Variants in KLHDC4 observed in about 807,000 individuals in gnomAD.
KLHDC4 encodes the protein kelch domain containing 4, also known as kelch domain-containing protein 4.
KLHDC4 carries 90 observed loss-of-function variants against 62.4 expected under a neutral mutation model. The observed-to-expected ratio is 1.44, with a 90% confidence interval of 1.22 to 1.72. The LOEUF is 1.72. Ranked by LOEUF, KLHDC4 falls within the 40% of genes most tolerant of loss-of-function variation. KLHDC4 has a pLI of 0.00. For missense variants in KLHDC4, 1,025 were observed against 699.7 expected, an observed-to-expected ratio of 1.47 and a Z score of -5.25; for synonymous variants, 386 against 284.4, an observed-to-expected ratio of 1.36 and a Z score of -3.59.
chr16:87,701,740 G>C (rs1026016212), exon 1 of KLHDC4: 1 of 456,620 alleles, frequency 2.2e-6, no homozygotes, highest in African/African-American at 2.0e-5. Context: ...TCAGGCCTAT[G>C]CCGCCCGCCC....
chr16:87,705,943 G>A (rs1238599776), downstream of KLHDC4, among the ~76,000 whole-genome samples: 1 of 152,228 alleles, frequency 6.6e-6, no homozygotes, highest in Non-Finnish European at 1.5e-5. Context: ...CAAAGCCGGC[G>A]CAACGCAACA....
At position 87,708,335 on chromosome 16, in the gene KLHDC4, C is replaced by T; in HGVS notation, c.*1+15G>A. On this transcript the variant is annotated intron_variant, in intron 11 of 11. Coordinates refer to ENST00000270583, the MANE Select transcript of KLHDC4 (RefSeq NM_017566.4). Reference sequence around the variant, plus strand: ...ACCCAGCAGCCGCGCCACCCGCCAGCCCGAGCCCGCTCACCTCAGTCCTCC... The same window carrying T: ...ACCCAGCAGCCGCGCCACCCGCCAGTCCGAGCCCGCTCACCTCAGTCCTCC... 6.5e-7 allele frequency: 1 copy of T among 1,547,662 alleles called. No homozygotes were observed.
intron 5 of KLHDC4, among the ~76,000 whole-genome samples, chr16:87,747,025 AG>A (rs2043140695): frequency 6.6e-6 from 1 of 152,178 alleles, no homozygotes; most frequent in Admixed American, 6.5e-5. Context: ...GGCCCAAGAG[AG>A]GGGCCAGGGC....
chr16:87,732,260 T>G (rs932838155), intron 5 of KLHDC4, among the ~76,000 whole-genome samples: 30 of 152,058 alleles, frequency 2.0e-4, no homozygotes, highest in African/African-American at 7.3e-4. Flanking sequence ...CACGACCAGC[T>G]AATTTTTGTA....
chr16:87,732,871 G>T (rs1377282922), intron 5 of KLHDC4, among the ~76,000 whole-genome samples: 1 of 149,426 alleles, frequency 6.7e-6, no homozygotes, highest in Non-Finnish European at 1.5e-5. Flanking sequence ...GAAAAGGCAG[G>T]TGCAAAGCAA....
chr16:87,765,066 C>G (rs1429526360), intron 1 of KLHDC4: 1 of 454,586 alleles, frequency 2.2e-6, no homozygotes, highest in Non-Finnish European at 4.4e-6. Flanking sequence ...CGGAACTGAC[C>G]TGCTCGTGAG....
chr16:87,706,993 A>T (rs1231796030), downstream of KLHDC4, among the ~76,000 whole-genome samples: 1 of 151,938 alleles, frequency 6.6e-6, no homozygotes, highest in East Asian at 1.9e-4. Context: ...CTTGTTTTCA[A>T]CTCCCAGATA....
downstream of KLHDC4, among the ~76,000 whole-genome samples, chr16:87,705,329 CCGCCCAGGAA>C (rs2034536728): frequency 6.6e-6 from 1 of 152,236 alleles, no homozygotes; most frequent in Non-Finnish European, 1.5e-5. Context: ...AGGCAGAGCT[CCGCCCAGGAA>C]TCCACCACCC....
intron 4 of KLHDC4, among the ~76,000 whole-genome samples, chr16:87,749,866 C>T (rs1446071924): frequency 1.3e-5 from 2 of 152,202 alleles, no homozygotes; most frequent in African/African-American, 4.8e-5. Context: ...ACACGAACCA[C>T]CACACCCAGC....
intron 5 of KLHDC4, among the ~76,000 whole-genome samples, chr16:87,735,885 C>A (rs779256228): frequency 6.6e-6 from 1 of 152,194 alleles, no homozygotes; most frequent in African/African-American, 2.4e-5. Context: ...CCAGGCCCCT[C>A]GACTGGGCCG....
chr16:87,726,930 TAGA>T lies in KLHDC4; in HGVS notation c.600-9_600-7del. 6.2e-7 allele frequency: 1 copy of T among 1,613,652 alleles called. No individual in the cohort carries two copies. The highest frequency in any genetic ancestry group is 8.5e-7 in the Non-Finnish European group (1 of 1,179,722). On this transcript the variant is annotated splice_polypyrimidine_tract_variant and splice_region_variant and intron_variant, in intron 6 of 11. Coordinates refer to ENST00000270583, the MANE Select transcript of KLHDC4 (RefSeq NM_017566.4). ...CGTTGTAGTAGATGTAATCCCTGGTTAGAAGAACAGCAGCTGTCAGGGTCCGTA... is the reference window on the plus strand; with the variant it reads ...CGTTGTAGTAGATGTAATCCCTGGTTAGAACAGCAGCTGTCAGGGTCCGTA...
At chr16:87,734,967 G>A (rs1196089194) in intron 5 of KLHDC4, among the ~76,000 whole-genome samples, 1 of 41,956 alleles carries the variant, frequency 2.4e-5, no homozygotes, top group East Asian at 6.6e-4. Flanking sequence ...CGAATTGCCT[G>A]ACGCCCCTCC....
rs374150038 is a variant in KLHDC4, at chr16:87,746,372, CGAGAAAGA to C, written c.506+2293_506+2300del. 1.9e-3 allele frequency among the ~76,000 whole-genome samples: 281 copies of C among 150,754 alleles called. 2 individuals carry two copies. The highest frequency in any genetic ancestry group is 5.7e-3 in the African/African-American group (235 of 41,062). On this transcript the variant is annotated intron_variant, in intron 5 of 11. Transcript: ENST00000270583. ...CACAAAGAGAGAAAGAGAGAGAGAG[CGAGAAAGA>C]GAGAAAGAGACAGAGAGAGAAAGAG...
intron 4 of KLHDC4, among the ~76,000 whole-genome samples, chr16:87,749,188 G>C (rs1017472593): frequency 4.6e-5 from 7 of 151,910 alleles, no homozygotes; most frequent in African/African-American, 1.7e-4. Flanking sequence ...CTGTCTGCCT[G>C]CTCTCGTTAA....
In KLHDC4 at chr16:87,726,856, G is replaced by C. The variant is rs201340941; in HGVS notation, c.668C>G (p.Pro223Arg). 5.4e-5 allele frequency: 87 copies of C among 1,613,326 alleles called. No individual in the cohort carries two copies. The highest frequency in any genetic ancestry group is 7.0e-5 in the Non-Finnish European group (82 of 1,179,764). The change falls in exon 7 of 12, where the codon CCG (proline) becomes CGG (arginine). Residue 223 changes from proline (P) to arginine (R), a missense_variant. Transcript: ENST00000270583. ...LDTFTWSKLS[P>R]SGTGPTPRSG... ...TCTGGGTGTGGGCCCCGTCCCTGAC[G>C]GGGACAGCTTGCTCCATGTGAAGGT... is the stretch of plus-strand genomic sequence containing the variant.
At chr16:87,759,923 C>G (rs918346340) in intron 2 of KLHDC4, among the ~76,000 whole-genome samples, 2 of 152,186 alleles carry the variant, frequency 1.3e-5, no homozygotes, top group East Asian at 1.9e-4. Context: ...GCCGCACAGG[C>G]AGGTGAGGTA....
rs536213274 is a variant in KLHDC4 at position 87,722,919 on chromosome 16, G to A, written c.759+3846C>T. 9.2e-5 allele frequency among the ~76,000 whole-genome samples: 14 copies of A among 152,348 alleles called. No homozygotes were observed. The South Asian group carries it at 2.5e-3, about 27-fold the overall frequency. ...AATGTGAGGTGAGGGTGGGTGGCGG[G>A]TGGCAGGACCTCCTGGGAGCATGGA... On this transcript the variant is annotated intron_variant, in intron 7 of 11. Coordinates refer to ENST00000270583, the MANE Select transcript of KLHDC4 (RefSeq NM_017566.4).
chr16:87,755,454 G>A (rs2044725213), intron 3 of KLHDC4, 162 bp from the exon 4 acceptor site: 3 of 512,864 alleles, frequency 5.8e-6, no homozygotes, highest in Non-Finnish European at 1.1e-5. Flanking sequence ...GGGGCCATTG[G>A]GGATGACGAC....
Position 87,737,990 on chromosome 16 carries a change from G to A in KLHDC4, c.507-7346C>T, listed in dbSNP as rs573355940. On this transcript the variant is annotated intron_variant, in intron 5 of 11. Transcript: ENST00000270583. ...ACAACGGGGAATCCATACACACCCC[G>A]GCCTTCCAGCAGGGCAGGTTCTGCC... Among the ~76,000 whole-genome samples the A allele has an allele frequency of 3.9e-5, 6 of 152,240 alleles. No homozygotes were observed. In the South Asian group the frequency reaches 1.2e-3, roughly 32 times the overall value.
Sources: gnomAD v4.1 joint callset for allele counts (sites outside exome capture counted in the v4.1 genomes callset) on GRCh38, gnomAD v4.1.1 for gene constraint, MANE v1.5 for transcripts, NCBI Gene and HGNC (gene_info 2026-07-23, HGNC 2026-07-21) for gene names.